The following NFAT5 variants were observed in gnomAD, a reference collection of about 807,000 sequenced individuals.
NFAT5 encodes nuclear factor of activated T cells 5.
NFAT5 carries 31 observed loss-of-function variants against 166.5 expected under a neutral mutation model. That is an observed-to-expected ratio of 0.19 (90% CI 0.14 to 0.25). The LOEUF (loss-of-function observed/expected upper bound fraction) is 0.25. NFAT5 is among the 10% of genes least tolerant of loss of function. The pLI is 1.00. For missense variants in NFAT5, 1,449 were observed against 1,821.8 expected, an observed-to-expected ratio of 0.80 and a Z score of 3.72; for synonymous variants, 612 against 639.7, an observed-to-expected ratio of 0.96 and a Z score of 0.65.
intron 5 of NFAT5, among the ~76,000 whole-genome samples, chr16:69,655,323 A>G (rs2035833003): frequency 6.6e-6 from 1 of 152,236 alleles, no homozygotes; most frequent in South Asian, 2.1e-4. Flanking sequence ...AGTACTGTGC[A>G]TTCATTCTCA....
chr16:69,668,681 A>AT (rs1317763115), intron 7 of NFAT5, among the ~76,000 whole-genome samples: 3 of 151,660 alleles, frequency 2.0e-5, no homozygotes, highest in Admixed American at 6.6e-5. Context: ...ATTTATTTTT[A>AT]TTTTTATTTT....
rs1294748329 is a variant in NFAT5 at position 69,691,093 on chromosome 16, G to C, written c.1923+5G>C. 1.9e-6 allele frequency: 3 copies of C among 1,588,070 alleles called. No individual in the cohort carries two copies. In the Admixed American group the frequency reaches 5.4e-5, roughly 29 times the overall value. On this transcript the variant is annotated splice_donor_5th_base_variant and intron_variant, in intron 12 of 14. Transcript: ENST00000349945. ...AGATCTTCCACTATTTTTAAGGTAA[G>C]CTGTATTGACTAGTGCACAAACCTC...
In NFAT5 at chr16:69,600,759, T is replaced by TG. The variant is rs1424993965; in HGVS notation, c.128-25643dup. On this transcript the variant is annotated intron_variant, in intron 2 of 14. Coordinates refer to ENST00000349945, the MANE Select transcript of NFAT5 (RefSeq NM_138713.4). ...GGAGTAAAGCTGATAAGGAATACTT[T>TG]GAAAAAAAAAAAAAAAAAAAGGCTC... is the stretch of plus-strand genomic sequence containing the variant. 2.3e-3 allele frequency among the ~76,000 whole-genome samples: 113 copies of TG among 49,014 alleles called. 3 individuals carry two copies. Among genetic ancestry groups the TG allele is most frequent in the East Asian group, 0.013 (28 of 2,136 alleles). 32.2% of individuals were successfully genotyped at this position (49,014 alleles called of 152,430 possible).
intron 2 of NFAT5, among the ~76,000 whole-genome samples, chr16:69,597,800 A>G (rs1178120050): frequency 6.6e-6 from 1 of 151,984 alleles, no homozygotes; most frequent in Non-Finnish European, 1.5e-5. Flanking sequence ...TCACCATGTT[A>G]GCCAGGATGG....
At chr16:69,642,363 A>G (rs2035251295) in intron 3 of NFAT5, among the ~76,000 whole-genome samples, 1 of 152,214 alleles carries the variant, frequency 6.6e-6, no homozygotes, top group Non-Finnish European at 1.5e-5. Flanking sequence ...AATACAGGAT[A>G]CTTTACATAT....
At chr16:69,633,832 G>C (rs1291861830) in intron 3 of NFAT5, among the ~76,000 whole-genome samples, 1 of 152,050 alleles carries the variant, frequency 6.6e-6, no homozygotes, top group Non-Finnish European at 1.5e-5. Flanking sequence ...GGAAGATACT[G>C]AACATTCCTA....
At chr16:69,606,681 G>A (rs144798420) in intron 2 of NFAT5, among the ~76,000 whole-genome samples, 34 of 152,110 alleles carry the variant, frequency 2.2e-4, no homozygotes, top group Middle Eastern at 3.4e-3. Context: ...ATAATGAAAC[G>A]TCATCTCCAC....
intron 1 of NFAT5, among the ~76,000 whole-genome samples, chr16:69,567,543 A>G (rs990327157): frequency 2.0e-5 from 3 of 152,198 alleles, no homozygotes; most frequent in African/African-American, 4.8e-5. Flanking sequence ...ACCCCCTCCA[A>G]AAAAGGGACT....
At chr16:69,573,683 C>A (rs2016571111) in intron 2 of NFAT5, among the ~76,000 whole-genome samples, 1 of 151,992 alleles carries the variant, frequency 6.6e-6, no homozygotes, top group Non-Finnish European at 1.5e-5. Flanking sequence ...TATTTTCACT[C>A]AATACTGGAA....
At chr16:69,679,932 C>T (rs2036987995) in intron 10 of NFAT5, among the ~76,000 whole-genome samples, 1 of 152,052 alleles carries the variant, frequency 6.6e-6, no homozygotes, top group South Asian at 2.1e-4. Context: ...TCCTGGCTAA[C>T]ACGGTGAAAC....
chr16:69,671,345 G>C (rs1380566234), intron 9 of NFAT5, among the ~76,000 whole-genome samples: 1 of 152,062 alleles, frequency 6.6e-6, no homozygotes. Flanking sequence ...CTTAGTGCCT[G>C]TAGTTTTTTT....
intron 7 of NFAT5, among the ~76,000 whole-genome samples, chr16:69,661,635 A>G (rs866959849): frequency 1.3e-4 from 19 of 149,892 alleles, no homozygotes; most frequent in Middle Eastern, 3.6e-3. Context: ...AATATGCCTC[A>G]TTGCTCATTC....
In NFAT5 at chr16:69,679,050, C is replaced by T. The variant is rs145047436; in HGVS notation, c.1690+1715C>T. Among the ~76,000 whole-genome samples the T allele has an allele frequency of 2.0e-3, 305 of 152,196 alleles. 4 individuals carry two copies. In the East Asian group the frequency reaches 0.021, roughly 10 times the overall value. On this transcript the variant is annotated intron_variant, in intron 10 of 14. Coordinates refer to ENST00000349945, the MANE Select transcript of NFAT5 (RefSeq NM_138713.4). ...CCAGGTTCAAGCGATTTTCCTACCT[C>T]AGCCTCTCATGAGTAGCTGGCACTA... is the stretch of plus-strand genomic sequence containing the variant.
chr16:69,685,056 G>A, intron 11 of NFAT5, 86 bp downstream of exon 11: 1 of 811,876 alleles, frequency 1.2e-6, no homozygotes. Flanking sequence ...TTTTCTCTTA[G>A]GTACTTATAA....
intron 5 of NFAT5, among the ~76,000 whole-genome samples, chr16:69,654,633 G>A (rs558681985): frequency 6.6e-6 from 1 of 152,278 alleles, no homozygotes; most frequent in African/African-American, 2.4e-5. Flanking sequence ...TAGATTAATT[G>A]CTTAACTATG....
chr16:69,627,293 G>A (rs1468560547), intron 3 of NFAT5, among the ~76,000 whole-genome samples: 1 of 130,176 alleles, frequency 7.7e-6, no homozygotes, highest in Non-Finnish European at 1.6e-5. Context: ...TTTATAGACT[G>A]CTAAGTGTGT....
intron 6 of NFAT5, among the ~76,000 whole-genome samples, chr16:69,657,003 C>G (rs979603997): frequency 6.6e-6 from 1 of 151,932 alleles, no homozygotes; most frequent in Non-Finnish European, 1.5e-5. Flanking sequence ...TGGGGTAGAT[C>G]TATGTTGTAA....
chr16:69,618,960 GCTTA>G (rs1462725590), intron 2 of NFAT5, among the ~76,000 whole-genome samples: 1 of 152,108 alleles, frequency 6.6e-6, no homozygotes, highest in Non-Finnish European at 1.5e-5. Context: ...CTCTTTAGCT[GCTTA>G]CTTGACAACG....
At chr16:69,637,654 A>G (rs986047933) in intron 3 of NFAT5, among the ~76,000 whole-genome samples, 1 of 152,212 alleles carries the variant, frequency 6.6e-6, no homozygotes, top group Non-Finnish European at 1.5e-5. Flanking sequence ...AGCACAGGAA[A>G]GACCAGCCGC....
Sources: gnomAD v4.1 joint callset for allele counts (sites outside exome capture counted in the v4.1 genomes callset) on GRCh38, gnomAD v4.1.1 for gene constraint, MANE v1.5 for transcripts, NCBI Gene and HGNC (gene_info 2026-07-23, HGNC 2026-07-21) for gene names.